Variants in SOX13 observed in about 807,000 individuals in gnomAD.
The protein encoded by SOX13 is transcription factor SOX-13.
SOX13 carries 28 observed loss-of-function variants against 71.8 expected under a neutral mutation model. That is an observed-to-expected ratio of 0.39 (90% CI 0.29 to 0.53). The LOEUF (loss-of-function observed/expected upper bound fraction) is 0.53, where lower values mean the gene tolerates loss of function less well. SOX13 is among the 20% of genes least tolerant of loss of function. The pLI, the probability that SOX13 is intolerant of heterozygous loss-of-function variation, is 0.70. For missense variants in SOX13, 627 were observed against 810.3 expected, an observed-to-expected ratio of 0.77 and a Z score of 2.75; for synonymous variants, 309 against 317.8, an observed-to-expected ratio of 0.97 and a Z score of 0.29.
At chr1:204,108,960 C>T (rs1302855868) in intron 1 of SOX13, among the ~76,000 whole-genome samples, 1 of 152,192 alleles carries the variant, frequency 6.6e-6, no homozygotes, top group East Asian at 1.9e-4. Context: ...GTAATTGCTG[C>T]CTTCGGCTTC....
At chr1:204,111,433 G>A (rs1306186558) in intron 1 of SOX13, among the ~76,000 whole-genome samples, 2 of 152,142 alleles carry the variant, frequency 1.3e-5, no homozygotes, top group Non-Finnish European at 2.9e-5. Flanking sequence ...TGGAGGATAG[G>A]CATCTGCTGC....
In SOX13 at chr1:204,117,393, T is replaced by A. The variant is rs537786711; in HGVS notation, c.661-200T>A. ...TTAAAGGGAGGAGCCCGGCATGTCTTCCTCCCCAGCTGAGACCTGAGGGCA... is the reference window on the plus strand; with the variant it reads ...TTAAAGGGAGGAGCCCGGCATGTCTACCTCCCCAGCTGAGACCTGAGGGCA... On this transcript the variant is annotated intron_variant, in intron 6 of 13. Transcript: ENST00000367204. Among the ~76,000 whole-genome samples the A allele has an allele frequency of 2.5e-3, 388 of 152,204 alleles. 2 individuals are homozygous for A. The highest frequency in any genetic ancestry group is 8.7e-3 in the African/African-American group (360 of 41,534).
chr1:204,087,091 T>G (rs1656038682), intron 1 of SOX13, among the ~76,000 whole-genome samples: 1 of 152,040 alleles, frequency 6.6e-6, no homozygotes, highest in South Asian at 2.1e-4. Flanking sequence ...GCCCGGCTAA[T>G]TTTTGTATTT....
chr1:204,110,687 C>T (rs1416381757), intron 1 of SOX13, among the ~76,000 whole-genome samples: 1 of 152,134 alleles, frequency 6.6e-6, no homozygotes, highest in Admixed American at 6.6e-5. Context: ...AAATACTCTA[C>T]ATGTACTCTA....
chr1:204,086,946 G>A (rs1441098455), intron 1 of SOX13, among the ~76,000 whole-genome samples: 4 of 150,826 alleles, frequency 2.7e-5, no homozygotes, highest in East Asian at 3.9e-4. Context: ...TTTTTGAGAC[G>A]GAGTCTCACT....
At position 204,114,336 on chromosome 1, in the gene SOX13, G is replaced by A; in HGVS notation, c.235G>A (p.Glu79Lys). Reference sequence around the variant, plus strand: ...TGTCTTGCAGGACTGTAGCTCTCCAGAGGGTAATGGGTCCCCAGAACCCAA... The same window carrying A: ...TGTCTTGCAGGACTGTAGCTCTCCAAAGGGTAATGGGTCCCCAGAACCCAA... ...FRGSWDCSSP[E>K]GNGSPEPKRP... is the part of the protein sequence containing the mutation. Residue 79 changes from glutamate (E) to lysine (K), a missense_variant, in exon 3 of 14, where the codon GAG becomes AAG. Transcript: ENST00000367204. The A allele has an allele frequency of 6.2e-7, 1 of 1,606,596 alleles. No individual in the cohort carries two copies.
At chr1:204,099,355 TGA>T (rs1656314342) in intron 1 of SOX13, among the ~76,000 whole-genome samples, 1 of 151,778 alleles carries the variant, frequency 6.6e-6, no homozygotes, top group African/African-American at 2.4e-5. Context: ...ATGGTCTGAC[TGA>T]GAGGTGGATT....
chr1:204,111,613 A>G (rs1656580529), intron 1 of SOX13, among the ~76,000 whole-genome samples: 1 of 152,208 alleles, frequency 6.6e-6, no homozygotes, highest in Non-Finnish European at 1.5e-5. Context: ...GCAAACTCAG[A>G]TGCCTATGGT....
At chr1:204,119,004 G>A (rs2102261659) in intron 7 of SOX13, 1 of 152,300 alleles carries the variant, frequency 6.6e-6, no homozygotes, top group East Asian at 1.9e-4. Flanking sequence ...CAGAGATGCT[G>A]CCCATAATTA....
At chr1:204,085,760 G>A (rs1386539539) in intron 1 of SOX13, among the ~76,000 whole-genome samples, 1 of 151,812 alleles carries the variant, frequency 6.6e-6, no homozygotes, top group Non-Finnish European at 1.5e-5. Flanking sequence ...GGGTCACGAG[G>A]TCAGGAGATC....
Position 204,122,332 on chromosome 1 carries a change from G to T in SOX13, c.957G>T (p.Val319=). Residue 319 remains valine (V), a synonymous_variant, in exon 9 of 14, where the codon GTG becomes GTT. Coordinates refer to ENST00000367204, the MANE Select transcript of SOX13 (RefSeq NM_005686.3). ...CAAGCCTGAAGATGAGCAGCTGTGTGCCCCGCCCCCCCAGCCATGGAGGCC... is the reference window on the plus strand; with the variant it reads ...CAAGCCTGAAGATGAGCAGCTGTGTTCCCCGCCCCCCCAGCCATGGAGGCC... ...SSPSLKMSSC[V]PRPPSHGGPT... 6.4e-7 allele frequency: 1 copy of T among 1,566,514 alleles called. No individual in the cohort carries two copies. Among genetic ancestry groups the T allele is most frequent in the South Asian group, 1.2e-5 (1 of 85,452 alleles).
At chr1:204,115,930 T>G (rs1022158365) in intron 4 of SOX13, 25 of 198,850 alleles carry the variant, frequency 1.3e-4, no homozygotes, top group Non-Finnish European at 1.6e-4. Context: ...CCTCCCAAAG[T>G]GCTGGGATTA....
At chr1:204,108,714 A>C (rs561629412) in intron 1 of SOX13, among the ~76,000 whole-genome samples, 57 of 152,216 alleles carry the variant, frequency 3.7e-4, no homozygotes, top group African/African-American at 1.4e-3. Context: ...CGCTGAGCCG[A>C]CGGATCAGAG....
At chr1:204,094,152 G>T (rs943901706) in intron 1 of SOX13, among the ~76,000 whole-genome samples, 3 of 152,198 alleles carry the variant, frequency 2.0e-5, no homozygotes, top group Non-Finnish European at 2.9e-5. Context: ...GAAAATAACT[G>T]TGCCGAGTCT....
chr1:204,121,068 C>T (rs190965695), intron 7 of SOX13, among the ~76,000 whole-genome samples: 6 of 152,022 alleles, frequency 3.9e-5, no homozygotes, highest in Admixed American at 2.0e-4. Context: ...CAACCTCCGC[C>T]TCCTGGGTTC....
Position 204,123,864 on chromosome 1 carries a change from T to C in SOX13, c.1375+60T>C. The C allele has an allele frequency of 6.3e-7, 1 of 1,587,314 alleles. No individual in the cohort carries two copies. The highest frequency in any genetic ancestry group is 1.7e-5 in the Admixed American group (1 of 59,534). ...GACCTGGTTGCAGGAGCCAGCTGGGTCTATTCAGGGCTTGCTTGGTGATAT... is the reference window on the plus strand; with the variant it reads ...GACCTGGTTGCAGGAGCCAGCTGGGCCTATTCAGGGCTTGCTTGGTGATAT... On this transcript the variant is annotated intron_variant, in intron 12 of 13. Coordinates refer to ENST00000367204, the MANE Select transcript of SOX13 (RefSeq NM_005686.3). The surrounding 1 kb of genome is among the most constrained non-coding windows in gnomAD (Gnocchi z 5.0).
intron 1 of SOX13, among the ~76,000 whole-genome samples, chr1:204,106,313 GCTGT>G (rs1656469390): frequency 1.3e-5 from 2 of 152,242 alleles, no homozygotes; most frequent in South Asian, 4.1e-4. Context: ...GAGAGCAGGA[GCTGT>G]CTAATAGTCC....
intron 1 of SOX13, among the ~76,000 whole-genome samples, chr1:204,088,010 G>A (rs1214122692): frequency 1.3e-5 from 2 of 152,210 alleles, no homozygotes; most frequent in Non-Finnish European, 2.9e-5. Context: ...GCCCACACTG[G>A]GATCTTGCTT....
chr1:204,098,472 CAAAAA>C (rs565698884), intron 1 of SOX13, among the ~76,000 whole-genome samples: 10 of 138,328 alleles, frequency 7.2e-5, no homozygotes, highest in Admixed American at 7.2e-4. Flanking sequence ...GAGCGAGACT[CAAAAA>C]AAAAAAAAAT....
Sources: gnomAD v4.1 joint callset for allele counts (sites outside exome capture counted in the v4.1 genomes callset) on GRCh38, gnomAD v4.1.1 for gene constraint, Gnocchi (gnomAD v3.1) non-coding constraint, MANE v1.5 for transcripts, NCBI Gene and HGNC (gene_info 2026-07-23, HGNC 2026-07-21) for gene names.